The following GRID2 variants were observed in gnomAD, a reference collection of about 807,000 sequenced individuals.
The protein encoded by GRID2 is glutamate ionotropic receptor delta type subunit 2.
GRID2 carries 33 observed loss-of-function variants against 114.8 expected under a neutral mutation model. That is an observed-to-expected ratio of 0.29 (90% confidence interval 0.22 to 0.38). The LOEUF is 0.38. GRID2 is among the 10% of genes least tolerant of loss of function. GRID2 has a pLI of 1.00. For synonymous variants in GRID2, 505 were observed against 449.9 expected, an observed-to-expected ratio of 1.12 and a Z score of -1.55; for missense variants, 1,184 against 1,257.7, an observed-to-expected ratio of 0.94 and a Z score of 0.89.
At chr4:93,169,545 T>C (rs375586284) in intron 4 of GRID2, among the ~76,000 whole-genome samples, 1 of 152,146 alleles carries the variant, frequency 6.6e-6, no homozygotes, top group Non-Finnish European at 1.5e-5. Context: ...TTGCCTAAAA[T>C]AGGAGTCATT....
At chr4:93,407,055 C>T (rs1766521673) in intron 9 of GRID2, among the ~76,000 whole-genome samples, 1 of 152,122 alleles carries the variant, frequency 6.6e-6, no homozygotes, top group African/African-American at 2.4e-5. Context: ...TATGCTTTTC[C>T]TGTCCCTCCC....
At chr4:92,466,524 A>G (rs1047532909) in intron 1 of GRID2, among the ~76,000 whole-genome samples, 6 of 151,830 alleles carry the variant, frequency 4.0e-5, no homozygotes, top group African/African-American at 1.2e-4. Context: ...CCATACATAC[A>G]TACACCTACT....
chr4:93,129,773 C>T (rs949485741), intron 4 of GRID2, among the ~76,000 whole-genome samples: 16 of 151,848 alleles, frequency 1.1e-4, no homozygotes, highest in African/African-American at 2.2e-4. Flanking sequence ...CACATGGAAC[C>T]TGGCAGGGTG....
chr4:92,970,395 G>T (rs929768634), intron 2 of GRID2, among the ~76,000 whole-genome samples: 1 of 151,828 alleles, frequency 6.6e-6, no homozygotes, highest in Non-Finnish European at 1.5e-5. Flanking sequence ...AATTTATATA[G>T]AATATATTAA....
Position 93,772,315 on chromosome 4 carries a change from A to T in GRID2, c.2841A>T (p.Lys947Asn), listed in dbSNP as rs1357580226. ...CTCTTAGCCGCACACTGTCAGCTAA[A>T]GCTGCTTCTGGTTTCACTTTTGGCA... ...IQTLSRTLSA[K>N]AASGFTFGNV... is the part of the protein sequence containing the mutation. The change falls in exon 16 of 16, where the codon AAA becomes AAT. Residue 947 changes from lysine to asparagine, a missense_variant. Transcript: ENST00000282020. 2 of 1,614,028 alleles carry T rather than the reference A, an allele frequency of 1.2e-6. No individual in the cohort carries two copies. The highest frequency in any genetic ancestry group is 1.7e-5 in the Admixed American group (1 of 59,994).
intron 8 of GRID2, among the ~76,000 whole-genome samples, chr4:93,349,703 T>G (rs1328700632): frequency 1.3e-5 from 2 of 152,062 alleles, no homozygotes; most frequent in Non-Finnish European, 2.9e-5. Flanking sequence ...AAGTCACATA[T>G]TAGAGTGAGC....
intron 1 of GRID2, among the ~76,000 whole-genome samples, chr4:92,521,835 G>C (rs976278797): frequency 6.6e-6 from 1 of 151,950 alleles, no homozygotes; most frequent in South Asian, 2.1e-4. Flanking sequence ...AGAATTGAGA[G>C]AGCAGAGGCA....
At chr4:92,853,386 T>C (rs1743962807) in intron 2 of GRID2, among the ~76,000 whole-genome samples, 1 of 152,078 alleles carries the variant, frequency 6.6e-6, no homozygotes. Context: ...ATTTCCTTTG[T>C]ATGAAGATTT....
chr4:93,230,817 A>G (rs1746042967), intron 7 of GRID2, among the ~76,000 whole-genome samples: 1 of 152,154 alleles, frequency 6.6e-6, no homozygotes, highest in Non-Finnish European at 1.5e-5. Flanking sequence ...TTAATATTAT[A>G]TAAACCCTAT....
chr4:93,485,292 A>AT (rs923124541), intron 11 of GRID2, among the ~76,000 whole-genome samples: 15 of 151,472 alleles, frequency 9.9e-5, no homozygotes, highest in African/African-American at 3.6e-4. Flanking sequence ...TTTATTGATG[A>AT]TTTTTTGTTA....
At chr4:93,679,343 C>T (rs1242644816) in intron 14 of GRID2, among the ~76,000 whole-genome samples, 5 of 150,728 alleles carry the variant, frequency 3.3e-5, no homozygotes, top group Non-Finnish European at 7.4e-5. Context: ...GCTTTAACAC[C>T]CCACTGTCAA....
intron 2 of GRID2, among the ~76,000 whole-genome samples, chr4:92,623,897 T>C (rs983742956): frequency 3.3e-5 from 5 of 151,736 alleles, no homozygotes; most frequent in Non-Finnish European, 5.9e-5. Flanking sequence ...ACATGCTATA[T>C]AAAAGGTTAG....
intron 13 of GRID2, among the ~76,000 whole-genome samples, chr4:93,611,607 C>A (rs1740924461): frequency 7.3e-6 from 1 of 137,654 alleles, no homozygotes; most frequent in Non-Finnish European, 1.5e-5. Context: ...TGTTCAGTTT[C>A]CATGTAGTTG....
In GRID2 at chr4:93,080,138, A is replaced by G. The variant is rs995808292; in HGVS notation, c.245-4857A>G. Among the ~76,000 whole-genome samples, 4 of 152,166 alleles carry G rather than the reference A, an allele frequency of 2.6e-5. No individual in the cohort carries two copies. The South Asian group carries it at 8.3e-4, about 31-fold the overall frequency. On this transcript the variant is annotated intron_variant, in intron 2 of 15. Transcript: ENST00000282020. ...AAAAATCATATTTGCAAAGAATTCT[A>G]AATGTCTGGGTAAGCTGAAATTGTT... is the stretch of plus-strand genomic sequence containing the variant.
intron 2 of GRID2, among the ~76,000 whole-genome samples, chr4:92,907,325 G>A (rs1031205772): frequency 6.6e-6 from 1 of 152,110 alleles, no homozygotes; most frequent in Non-Finnish European, 1.5e-5. Flanking sequence ...CTCTGTAGAG[G>A]ACAAGGATCA....
intron 2 of GRID2, among the ~76,000 whole-genome samples, chr4:93,066,873 A>T (rs962344695): frequency 4.6e-5 from 7 of 152,012 alleles, no homozygotes; most frequent in African/African-American, 1.7e-4. Flanking sequence ...ATTTTACTTA[A>T]TAATGGAGAC....
intron 1 of GRID2, among the ~76,000 whole-genome samples, chr4:92,506,227 T>G (rs1723965243): frequency 6.6e-6 from 1 of 151,926 alleles, no homozygotes; most frequent in African/African-American, 2.4e-5. Flanking sequence ...GGCAACCAGC[T>G]TGATGCCAGA....
At chr4:93,322,150 A>G (rs954076007) in intron 8 of GRID2, among the ~76,000 whole-genome samples, 4 of 151,740 alleles carry the variant, frequency 2.6e-5, no homozygotes, top group African/African-American at 9.7e-5. Context: ...GCACTCATTA[A>G]CCTATCATTT....
chr4:93,346,574 C>T (rs1560523634), intron 8 of GRID2, among the ~76,000 whole-genome samples: 1 of 152,098 alleles, frequency 6.6e-6, no homozygotes, highest in African/African-American at 2.4e-5. Flanking sequence ...AAATTTGTTT[C>T]ATTGTTGTGT....
Sources: gnomAD v4.1 joint callset for allele counts (sites outside exome capture counted in the v4.1 genomes callset) on GRCh38, gnomAD v4.1.1 for gene constraint, MANE v1.5 for transcripts, NCBI Gene and HGNC (gene_info 2026-07-23, HGNC 2026-07-21) for gene names.